Variants in SERBP1 observed in about 807,000 individuals in gnomAD.
The protein encoded by SERBP1 is SERPINE1 mRNA-binding protein 1.
Under a neutral mutation model 50.2 loss-of-function variants are expected in SERBP1, and 6 were observed. That is an observed-to-expected ratio of 0.12 (90% confidence interval 0.07 to 0.24). The LOEUF is 0.24. SERBP1 is among the 10% of genes least tolerant of loss of function. The pLI is 1.00. For synonymous variants in SERBP1, 168 were observed against 182.8 expected, an observed-to-expected ratio of 0.92 and a Z score of 0.65; for missense variants, 346 against 524.9, an observed-to-expected ratio of 0.66 and a Z score of 3.33.
intron 2 of SERBP1, 110 bp from the exon 3 acceptor site, chr1:67,425,333 G>C: frequency 1.0e-6 from 1 of 1,001,662 alleles, no homozygotes; most frequent in South Asian, 1.9e-5. Context: ...AAAACCAATA[G>C]TTAAATACAT....
chr1:67,415,274 C>G lies in SERBP1; in HGVS notation c.1017G>C (p.Gln339His). 1 of 1,612,404 alleles carries G rather than the reference C, an allele frequency of 6.2e-7. No individual in the cohort carries two copies. The highest frequency in any genetic ancestry group is 8.5e-7 in the Non-Finnish European group (1 of 1,179,264). The change falls in exon 7 of 8, where the codon CAG becomes CAC. Residue 339 changes from glutamine (Q) to histidine (H), a missense_variant. Gln to His is a conservative substitution (Grantham distance 24). Transcript: ENST00000361219. ...FRKPANDITS[Q>H]LEINFGDLGR... Reference sequence around the variant, plus strand: ...CAAGGTCTCCAAAATTGATCTCCAGCTGAGACGTTATATCATTTGCTGGCT... The same window carrying G: ...CAAGGTCTCCAAAATTGATCTCCAGGTGAGACGTTATATCATTTGCTGGCT...
rs1557496972 is a variant in SERBP1 at position 67,410,418 on chromosome 1, T to C, written c.*2789A>G. Reference sequence around the variant, plus strand: ...CCATACCAAAAACAAGCCCCAAATATATTTACAACCCTGGAAATGATGTGT... The same window carrying C: ...CCATACCAAAAACAAGCCCCAAATACATTTACAACCCTGGAAATGATGTGT... On this transcript the variant is annotated 3_prime_UTR_variant, in exon 8 of 8. Coordinates refer to ENST00000361219, the MANE Select transcript of SERBP1 (RefSeq NM_001018069.2). The C allele has an allele frequency of 6.6e-6, 1 of 152,164 alleles. No homozygotes were observed. Among genetic ancestry groups the C allele is most frequent in the South Asian group, 2.1e-4 (1 of 4,828 alleles). 9.4% of individuals were successfully genotyped at this position (152,164 alleles called of 1,614,324 possible).
At chr1:67,415,019 A>T in intron 7 of SERBP1, 147 bp downstream of exon 7, 2 of 878,252 alleles carry the variant, frequency 2.3e-6, no homozygotes, top group Non-Finnish European at 3.3e-6. Context: ...TAAGTGCTTT[A>T]AACATAAATA....
At position 67,411,399 on chromosome 1, in the gene SERBP1, G is replaced by A. The variant is rs1334586420; in HGVS notation, c.*1808C>T. ...AGTCTAAACACACTGATTTAGGAGT[G>A]CGTATGTTGCTGTCTCAATGAACAA... is the stretch of plus-strand genomic sequence containing the variant. On this transcript the variant is annotated 3_prime_UTR_variant, in exon 8 of 8. Transcript: ENST00000361219. 1 of 152,174 alleles carries A rather than the reference G, an allele frequency of 6.6e-6. No individual in the cohort carries two copies. Among genetic ancestry groups the A allele is most frequent in the Non-Finnish European group, 1.5e-5 (1 of 68,012 alleles). The allele number at this position is 152,174 out of a possible 1,614,324, so 9.4% of individuals were successfully genotyped here. A position where few individuals can be genotyped will look rare whatever the true frequency, so the allele number is the denominator to read the frequency against.
intron 6 of SERBP1, among the ~76,000 whole-genome samples, chr1:67,418,732 C>T (rs1022482710): frequency 1.3e-5 from 2 of 151,430 alleles, no homozygotes; most frequent in African/African-American, 4.9e-5. Flanking sequence ...GCATTCCAGC[C>T]TGGGCGACAG....
chr1:67,415,354 G>C lies in SERBP1; in HGVS notation c.952-15C>G, dbSNP rs770563546. 3.4e-5 allele frequency: 52 copies of C among 1,546,862 alleles called. No individual in the cohort carries two copies. The East Asian group carries it at 1.2e-3, about 35-fold the overall frequency. On this transcript the variant is annotated splice_polypyrimidine_tract_variant and intron_variant, in intron 6 of 7. Coordinates refer to ENST00000361219, the MANE Select transcript of SERBP1 (RefSeq NM_001018069.2). ...TCAGCATGAGCCTAAAAATATAAGT[G>C]AAGATGATTGTGTTATTAGTAGAAA...
chr1:67,419,495 C>T (rs920767372), intron 6 of SERBP1, among the ~76,000 whole-genome samples: 11 of 152,172 alleles, frequency 7.2e-5, no homozygotes, highest in Non-Finnish European at 8.8e-5. Context: ...TTTTTAAAGT[C>T]GTCATTCCTT....
chr1:67,430,116 T>G lies in SERBP1; in HGVS notation c.185A>C (p.Asn62Thr), dbSNP rs751471163. The change falls in exon 1 of 8, where the codon AAC (asparagine) becomes ACC (threonine). Residue 62 changes from asparagine to threonine, a missense_variant. Coordinates refer to ENST00000361219, the MANE Select transcript of SERBP1 (RefSeq NM_001018069.2). ...KSAAQAAAQT[N>T]SNAAGKQLRK... ...CAGCTGTTTGCCTGCCGCGTTGGAGTTGGTCTGGGCCGCGGCCTGAGCTGC... is the reference window on the plus strand; with the variant it reads ...CAGCTGTTTGCCTGCCGCGTTGGAGGTGGTCTGGGCCGCGGCCTGAGCTGC... 5.0e-6 allele frequency: 8 copies of G among 1,612,092 alleles called. No homozygotes were observed. Among genetic ancestry groups the G allele is most frequent in the African/African-American group, 4.0e-5 (3 of 74,862 alleles).
intron 6 of SERBP1, among the ~76,000 whole-genome samples, chr1:67,417,971 GTTT>G (rs397861816): frequency 1.3e-3 from 97 of 76,824 alleles, no homozygotes; most frequent in Non-Finnish European, 1.4e-3. Flanking sequence ...TTAAAGTGTT[GTTT>G]TTTTTTTTTT....
intron 6 of SERBP1, among the ~76,000 whole-genome samples, chr1:67,417,940 G>A (rs540260278): frequency 6.6e-4 from 97 of 147,840 alleles, no homozygotes; most frequent in East Asian, 2.6e-3. Context: ...CATTTGTCAC[G>A]AGAATGAAGA....
Position 67,410,996 on chromosome 1 carries a change from G to C in SERBP1, c.*2211C>G, listed in dbSNP as rs546694075. ...GGGTGTGCACACAGGTCAGAAACCA[G>C]GAAACACATGACAATAAACATGATC... On this transcript the variant is annotated 3_prime_UTR_variant, in exon 8 of 8. Transcript: ENST00000361219. 8 of 152,182 alleles carry C rather than the reference G, an allele frequency of 5.3e-5. No individual in the cohort carries two copies. Among genetic ancestry groups the C allele is most frequent in the Admixed American group, 5.2e-4 (8 of 15,274 alleles). 9.4% of individuals were successfully genotyped at this position (152,182 alleles called of 1,614,324 possible). A position where few individuals can be genotyped will look rare whatever the true frequency, so the allele number is the denominator to read the frequency against.
At chr1:67,424,738 C>A (rs975335464) in intron 4 of SERBP1, 150 bp downstream of exon 4, 2 of 661,668 alleles carry the variant, frequency 3.0e-6, no homozygotes, top group Non-Finnish European at 2.6e-6. Flanking sequence ...TATACTATAA[C>A]CCAAACCCAT....
At chr1:67,429,854 G>T in intron 1 of SERBP1, 134 bp downstream of exon 1, 2 of 1,027,112 alleles carry the variant, frequency 1.9e-6, no homozygotes, top group Non-Finnish European at 2.9e-6. Flanking sequence ...GACTTTTGTC[G>T]CGTGAAGAAA....
Position 67,411,160 on chromosome 1 carries a change from T to A in SERBP1, c.*2047A>T, listed in dbSNP as rs938592012. On this transcript the variant is annotated 3_prime_UTR_variant, in exon 8 of 8. Transcript: ENST00000361219. ...AAGTGAACTAGGAGGCAAATTTATA[T>A]CCATCAGATACAACTAATGCACCAA... 1 of 152,154 alleles carries A rather than the reference T, an allele frequency of 6.6e-6. No individual in the cohort carries two copies. Among genetic ancestry groups the A allele is most frequent in the African/African-American group, 2.4e-5 (1 of 41,452 alleles). 9.4% of individuals were successfully genotyped at this position (152,154 alleles called of 1,614,324 possible).
Position 67,422,184 on chromosome 1 carries a change from T to C in SERBP1, c.774-1998A>G, listed in dbSNP as rs1311839243. ...CCACGGAATATGATATTCCCATCAT[T>C]AACAGTGCTCACCATAAGAGCAAAT... On this transcript the variant is annotated intron_variant, in intron 5 of 7. Coordinates refer to ENST00000361219, the MANE Select transcript of SERBP1 (RefSeq NM_001018069.2). Among the ~76,000 whole-genome samples the C allele has an allele frequency of 2.0e-5, 3 of 152,142 alleles. No individual in the cohort carries two copies. The East Asian group carries it at 5.8e-4, about 29-fold the overall frequency.
intron 6 of SERBP1, among the ~76,000 whole-genome samples, chr1:67,417,971 G>GTTTTTTTTTTTTTTTTTTTTTTTTTTTTT: frequency 1.3e-5 from 1 of 76,802 alleles, no homozygotes; most frequent in Non-Finnish European, 2.2e-5. Flanking sequence ...TTAAAGTGTT[G>GTTTTTTTTTTTTTTTTTTTTTTTTTTTTT]TTTTTTTTTT....
intron 7 of SERBP1, 106 bp downstream of exon 7, chr1:67,415,060 G>A: frequency 8.0e-7 from 1 of 1,256,982 alleles, no homozygotes; most frequent in Non-Finnish European, 1.1e-6. Flanking sequence ...TAAAGACACT[G>A]CTACTACTTC....
At chr1:67,423,227 A>T (rs953049582) in intron 5 of SERBP1, among the ~76,000 whole-genome samples, 1 of 151,128 alleles carries the variant, frequency 6.6e-6, no homozygotes, top group African/African-American at 2.4e-5. Context: ...TGAACCCGGG[A>T]GGCGGAGGTT....
At chr1:67,424,028 GA>G (rs1005664547) in intron 5 of SERBP1, among the ~76,000 whole-genome samples, 171 bp downstream of exon 5, 3 of 150,420 alleles carry the variant, frequency 2.0e-5, no homozygotes, top group Non-Finnish European at 3.0e-5. Flanking sequence ...ATTAAAAAAA[GA>G]AAAAAAAAGC....
Sources: allele counts gnomAD v4.1 joint callset (sites outside exome capture counted in the v4.1 genomes callset), GRCh38; gene constraint gnomAD v4.1.1; transcripts MANE v1.5; gene names NCBI Gene and HGNC (gene_info 2026-07-23, HGNC 2026-07-21).